TLK1: variants seen among roughly 807,000 people sequenced by gnomAD.
TLK1 encodes the protein serine/threonine-protein kinase tousled-like 1.
TLK1 carries 24 observed loss-of-function variants against 105.3 expected under a neutral mutation model. That is an observed-to-expected ratio of 0.23 (90% confidence interval 0.17 to 0.32). The LOEUF (loss-of-function observed/expected upper bound fraction) is 0.32, where lower values mean the gene tolerates loss of function less well. Among genes scored for constraint, TLK1 ranks in the 10% least tolerant of loss-of-function variants. The pLI is 1.00. For missense variants in TLK1, 558 were observed against 910.5 expected, an observed-to-expected ratio of 0.61 and a Z score of 4.98; for synonymous variants, 321 against 310.4, an observed-to-expected ratio of 1.03 and a Z score of -0.36.
intron 3 of TLK1, among the ~76,000 whole-genome samples, chr2:171,067,264 A>G (rs1688043378): frequency 6.8e-6 from 1 of 148,096 alleles, no homozygotes; most frequent in Admixed American, 6.9e-5. Flanking sequence ...GGTTCATGCT[A>G]TTCTCCTGCC....
intron 1 of TLK1, among the ~76,000 whole-genome samples, chr2:171,174,406 T>C (rs761147725): frequency 9.2e-5 from 14 of 152,232 alleles, no homozygotes; most frequent in Non-Finnish European, 1.9e-4. Flanking sequence ...CATTGTTATA[T>C]GATTGTAATC....
In TLK1 at chr2:171,022,088, C is replaced by CACACACACACACACACAG. The variant is rs1685545360; in HGVS notation, c.1236+6250_1236+6251insCTGTGTGTGTGTGTGTGT. ...ACCACACTCCAGCCTGGGCGAAAAACACACACACACACACACACACACACA... is the reference window on the plus strand; with the variant it reads ...ACCACACTCCAGCCTGGGCGAAAAACACACACACACACACACAGACACACACACACACACACACACACA... On this transcript the variant is annotated intron_variant, in intron 12 of 20. Coordinates refer to ENST00000431350, the MANE Select transcript of TLK1 (RefSeq NM_012290.5). Among the ~76,000 whole-genome samples, 9 of 139,290 alleles carry CACACACACACACACACAG rather than the reference C, an allele frequency of 6.5e-5. No individual in the cohort carries two copies. In the South Asian group the frequency reaches 2.1e-3, roughly 32 times the overall value. 91.4% of individuals were successfully genotyped at this position (139,290 alleles called of 152,430 possible). A position where few individuals can be genotyped will look rare whatever the true frequency, so the allele number is the denominator to read the frequency against.
At chr2:170,995,329 T>C (rs962815320) in intron 20 of TLK1, among the ~76,000 whole-genome samples, 8 of 152,028 alleles carry the variant, frequency 5.3e-5, no homozygotes, top group Admixed American at 2.0e-4. Context: ...AGAGATATTA[T>C]ATATTACATT....
At chr2:171,121,063 G>A (rs984343643) in intron 1 of TLK1, among the ~76,000 whole-genome samples, 1 of 152,172 alleles carries the variant, frequency 6.6e-6, no homozygotes, top group Admixed American at 6.5e-5. Flanking sequence ...CAGGGGCTGG[G>A]GGTGTGGTGG....
At chr2:171,168,273 A>G (rs1180809442) in intron 1 of TLK1, among the ~76,000 whole-genome samples, 1 of 152,198 alleles carries the variant, frequency 6.6e-6, no homozygotes, top group Non-Finnish European at 1.5e-5. Context: ...AATTCGATAC[A>G]TGGCAAAGGA....
chr2:171,056,582 A>T lies in TLK1; in HGVS notation c.454-16T>A. ...CACCCTGGTACTGAGTAAAAGAAAAAGGAAGCATTATTATTTACTAAAGCA... is the reference window on the plus strand; with the variant it reads ...CACCCTGGTACTGAGTAAAAGAAAATGGAAGCATTATTATTTACTAAAGCA... On this transcript the variant is annotated splice_polypyrimidine_tract_variant and intron_variant, in intron 5 of 20. Transcript: ENST00000431350. 2 of 1,597,730 alleles carry T rather than the reference A, an allele frequency of 1.3e-6. No individual in the cohort carries two copies. The highest frequency in any genetic ancestry group is 1.7e-6 in the Non-Finnish European group (2 of 1,166,512).
chr2:171,171,723 T>C (rs2105302664), intron 1 of TLK1, among the ~76,000 whole-genome samples: 1 of 151,964 alleles, frequency 6.6e-6, no homozygotes, highest in East Asian at 1.9e-4. Context: ...ATATCTTTAG[T>C]CAACAACAGC....
intron 4 of TLK1, chr2:171,059,832 A>G (rs982357625): frequency 3.9e-6 from 3 of 769,950 alleles, no homozygotes; most frequent in African/African-American, 3.4e-5. Flanking sequence ...GCAGTTCACA[A>G]TAAGGTTCAC....
chr2:171,071,905 C>A (rs965157389), intron 3 of TLK1, among the ~76,000 whole-genome samples: 1 of 152,108 alleles, frequency 6.6e-6, no homozygotes, highest in African/African-American at 2.4e-5. Flanking sequence ...ATATGGATTG[C>A]TATCTGGATT....
chr2:171,129,180 T>A (rs1690994777), intron 1 of TLK1, among the ~76,000 whole-genome samples: 1 of 152,220 alleles, frequency 6.6e-6, no homozygotes, highest in African/African-American at 2.4e-5. Flanking sequence ...AAGACTCTTT[T>A]TTGGTTTCAT....
At chr2:171,022,725 C>A (rs946210868) in intron 12 of TLK1, 1 of 174,206 alleles carries the variant, frequency 5.7e-6, no homozygotes, top group Non-Finnish European at 1.2e-5. Flanking sequence ...TATTTTCATT[C>A]AAACCTAAAG....
chr2:171,088,245 T>G (rs1030435059), intron 2 of TLK1, among the ~76,000 whole-genome samples: 1 of 151,954 alleles, frequency 6.6e-6, no homozygotes, highest in Non-Finnish European at 1.5e-5. Flanking sequence ...GGTAGGAGGA[T>G]CACTTGAGCC....
At chr2:171,053,402 C>T (rs189305698) in intron 8 of TLK1, among the ~76,000 whole-genome samples, 78 of 151,764 alleles carry the variant, frequency 5.1e-4, no homozygotes, top group African/African-American at 1.6e-3. Context: ...CTCACTCTGT[C>T]GCCAGGCTGG....
At chr2:171,084,351 A>C (rs951894501) in intron 2 of TLK1, among the ~76,000 whole-genome samples, 1 of 152,214 alleles carries the variant, frequency 6.6e-6, no homozygotes, top group East Asian at 1.9e-4. Flanking sequence ...GGATCTTTAC[A>C]TAACAGGGTG....
At chr2:171,118,934 T>C (rs1690543586) in intron 1 of TLK1, among the ~76,000 whole-genome samples, 1 of 152,214 alleles carries the variant, frequency 6.6e-6, no homozygotes, top group Non-Finnish European at 1.5e-5. Flanking sequence ...CATGCTTATT[T>C]GGATCCCTGT....
At chr2:171,049,313 A>C (rs1026563320) in intron 10 of TLK1, among the ~76,000 whole-genome samples, 3 of 152,010 alleles carry the variant, frequency 2.0e-5, no homozygotes, top group Admixed American at 1.3e-4. Context: ...TAATAAATAG[A>C]GTTTACCTCA....
chr2:171,107,402 A>G (rs772168529), intron 2 of TLK1, among the ~76,000 whole-genome samples: 5 of 152,222 alleles, frequency 3.3e-5, no homozygotes, highest in Admixed American at 2.6e-4. Flanking sequence ...TAAATGTCCA[A>G]TGGAAAACAT....
intron 2 of TLK1, among the ~76,000 whole-genome samples, chr2:171,105,979 G>A (rs1004755777): frequency 2.2e-4 from 33 of 152,152 alleles, no homozygotes; most frequent in Admixed American, 6.5e-5. Context: ...CAGACAAATG[G>A]ATAAAGAAAA....
intron 1 of TLK1, among the ~76,000 whole-genome samples, chr2:171,183,350 C>A (rs1205867802): frequency 6.6e-6 from 1 of 152,042 alleles, no homozygotes; most frequent in Non-Finnish European, 1.5e-5. Flanking sequence ...CTTATCATTT[C>A]CTTGCTTTTC....
Sources: gnomAD v4.1 joint callset for allele counts (sites outside exome capture counted in the v4.1 genomes callset) on GRCh38, gnomAD v4.1.1 for gene constraint, MANE v1.5 for transcripts, NCBI Gene and HGNC (gene_info 2026-07-23, HGNC 2026-07-21) for gene names.